Variants in TRIO observed in about 807,000 individuals in gnomAD.
The protein encoded by TRIO is trio Rho guanine nucleotide exchange factor, also known as triple functional domain protein.
A neutral mutation model predicts 351.9 loss-of-function variants in TRIO; 58 were observed. That is an observed-to-expected ratio of 0.16 (90% CI 0.13 to 0.21). The LOEUF is 0.21. Among genes scored for constraint, TRIO ranks in the 10% least tolerant of loss-of-function variants. TRIO has a pLI of 1.00. For missense variants in TRIO, 3,201 were observed against 4,027.8 expected (o/e 0.79, Z 5.56); for synonymous variants, 1,758 against 1,595.7 (o/e 1.10, Z -2.42).
chr5:14,421,950 T>C (rs1361732952), intron 34 of TRIO, among the ~76,000 whole-genome samples: 1 of 152,070 alleles, frequency 6.6e-6, no homozygotes, highest in Non-Finnish European at 1.5e-5. Context: ...AGCCCCACAG[T>C]CCTCCCCCTT....
chr5:14,479,445 T>C (rs1755351249), intron 42 of TRIO, 95 bp downstream of exon 42: 11 of 1,121,544 alleles, frequency 9.8e-6, no homozygotes, highest in Non-Finnish European at 1.4e-5. Flanking sequence ...AGGAGACTAA[T>C]TTCCAAAGAA....
In TRIO at chr5:14,488,427, G is replaced by A. The variant is rs557232250; in HGVS notation, c.7632+167G>A. The A allele has an allele frequency of 1.0e-5, 10 of 970,358 alleles. No homozygotes were observed. The East Asian group carries it at 1.6e-4, about 16-fold the overall frequency. The allele number at this position is 970,358 out of a possible 1,614,324, so 60.1% of individuals were successfully genotyped here. A position where few individuals can be genotyped will look rare whatever the true frequency, so the allele number is the denominator to read the frequency against. ...ACCCTCCTGCGGGCCGGCCCACGGC[G>A]CTACTAACTACTCCTTGCTTTGTTC... On this transcript the variant is annotated intron_variant, in intron 48 of 56. Coordinates refer to ENST00000344204, the MANE Select transcript of TRIO (RefSeq NM_007118.4).
chr5:14,489,440 G>C (rs1756308547), intron 48 of TRIO, among the ~76,000 whole-genome samples: 1 of 152,198 alleles, frequency 6.6e-6, no homozygotes, highest in South Asian at 2.1e-4. Flanking sequence ...GGTATGCTAG[G>C]CGGGTGAGCA....
At chr5:14,444,080 C>CTTT (rs34641629) in intron 34 of TRIO, among the ~76,000 whole-genome samples, 1 of 145,060 alleles carries the variant, frequency 6.9e-6, no homozygotes, top group African/African-American at 2.5e-5. Flanking sequence ...CTCTTGAAGT[C>CTTT]TTTTTTTTTT....
At chr5:14,378,787 T>G (rs1416949412) in intron 20 of TRIO, among the ~76,000 whole-genome samples, 3 of 152,160 alleles carry the variant, frequency 2.0e-5, no homozygotes, top group African/African-American at 7.2e-5. Flanking sequence ...CTCGAACTCC[T>G]GACCTCAGGT....
chr5:14,293,335 ACAAG>A (rs901524641), intron 6 of TRIO, among the ~76,000 whole-genome samples: 1 of 152,166 alleles, frequency 6.6e-6, no homozygotes, highest in African/African-American at 2.4e-5. Flanking sequence ...AAAAATGAAA[ACAAG>A]CAAACAGACG....
chr5:14,198,311 ATTC>A (rs1166951034), intron 1 of TRIO, among the ~76,000 whole-genome samples: 1 of 151,934 alleles, frequency 6.6e-6, no homozygotes, highest in African/African-American at 2.4e-5. Context: ...TGCTGTCTGT[ATTC>A]TTCTTGATGT....
chr5:14,438,794 G>A lies in TRIO; in HGVS notation c.5203+18773G>A, dbSNP rs35391439. 9.2e-3 allele frequency among the ~76,000 whole-genome samples: 1,407 copies of A among 152,312 alleles called. 9 individuals carry two copies. Among genetic ancestry groups the A allele is most frequent in the Admixed American group, 0.013 (202 of 15,302 alleles). On this transcript the variant is annotated intron_variant, in intron 34 of 56. Coordinates refer to ENST00000344204, the MANE Select transcript of TRIO (RefSeq NM_007118.4). ...TCACCTCCGCATTTCCGCTGGTTCC[G>A]CGTTTCTGTCTAGTGGCTCAGGTTG... is the stretch of plus-strand genomic sequence containing the variant.
rs567964344 is a variant in TRIO, at chr5:14,144,744, G to T, written c.157+862G>T. On this transcript the variant is annotated intron_variant, in intron 1 of 56. Coordinates refer to ENST00000344204, the MANE Select transcript of TRIO (RefSeq NM_007118.4). ...GCGGGAGGGGCACCGGGTTTGCTGC[G>T]CAGGGGGCGTGACAGGGCGTCCCCG... Among the ~76,000 whole-genome samples, 681 of 152,094 alleles carry T rather than the reference G, an allele frequency of 4.5e-3. 3 individuals carry two copies. The highest frequency in any genetic ancestry group is 0.016 in the African/African-American group (645 of 41,538).
Position 14,316,495 on chromosome 5 carries a change from C to A in TRIO, c.1501-18C>A. 6.2e-7 allele frequency: 1 copy of A among 1,612,956 alleles called. No individual in the cohort carries two copies. The highest frequency in any genetic ancestry group is 1.3e-5 in the African/African-American group (1 of 75,028). On this transcript the variant is annotated intron_variant, in intron 8 of 56. Coordinates refer to ENST00000344204, the MANE Select transcript of TRIO (RefSeq NM_007118.4). ...AAACCTCAGATCGTGAAGAATCACT[C>A]ATTTCTTTTGTGGGCAGGTCAGCCA...
intron 1 of TRIO, among the ~76,000 whole-genome samples, chr5:14,248,353 T>G (rs1794554849): frequency 6.6e-6 from 1 of 152,262 alleles, no homozygotes; most frequent in African/African-American, 2.4e-5. Context: ...AGACACTTGC[T>G]CTTGCGAAGT....
At chr5:14,244,126 C>T (rs1012563287) in intron 1 of TRIO, among the ~76,000 whole-genome samples, 7 of 152,214 alleles carry the variant, frequency 4.6e-5, no homozygotes, top group African/African-American at 1.4e-4. Context: ...TTGGGTAGCA[C>T]ACTTTAACAT....
chr5:14,427,577 A>G (rs577973337), intron 34 of TRIO, among the ~76,000 whole-genome samples: 2 of 152,142 alleles, frequency 1.3e-5, no homozygotes, highest in Non-Finnish European at 2.9e-5. Flanking sequence ...GAAGCCCTTC[A>G]CTGGCCCACC....
intron 19 of TRIO, among the ~76,000 whole-genome samples, chr5:14,375,933 A>G (rs1745521798): frequency 1.3e-5 from 2 of 152,240 alleles, no homozygotes; most frequent in Non-Finnish European, 2.9e-5. Context: ...TAAAAATAAC[A>G]GCATGACCAC....
intron 20 of TRIO, among the ~76,000 whole-genome samples, chr5:14,378,562 T>G (rs901398687): frequency 6.7e-6 from 1 of 148,770 alleles, no homozygotes; most frequent in African/African-American, 2.6e-5. Flanking sequence ...CTTTTTCTGT[T>G]TCTTTTTTTT....
Position 14,498,566 on chromosome 5 carries a change from A to T in TRIO, c.8258A>T (p.Asp2753Val). ...TLKIVGVTTEDDGIYTCIAVN... is the reference protein window; with the variant it reads ...TLKIVGVTTEVDGIYTCIAVN... The stretch of plus-strand genomic sequence containing the variant: ...AAGATTGTGGGCGTGACCACGGAAG[A>T]TGACGGCATCTACACGTGCATCGCT... The change falls in exon 53 of 57, where the codon GAT becomes GTT. Residue 2753 changes from aspartate to valine, a missense_variant. Around this residue, in one of 19 missense-constraint regions of TRIO, gnomAD observed 1,089 missense variants for 954.9 expected, o/e 1.14. Coordinates refer to ENST00000344204, the MANE Select transcript of TRIO (RefSeq NM_007118.4). 1 of 1,613,794 alleles carries T rather than the reference A, an allele frequency of 6.2e-7. No homozygotes were observed.
chr5:14,152,808 G>T (rs939324466), intron 1 of TRIO, among the ~76,000 whole-genome samples: 8 of 152,250 alleles, frequency 5.3e-5, no homozygotes, highest in Admixed American at 2.6e-4. Flanking sequence ...TGCCAATTCA[G>T]ATCAGTGCAT....
chr5:14,355,576 C>G (rs2152334045), intron 11 of TRIO, among the ~76,000 whole-genome samples: 1 of 152,314 alleles, frequency 6.6e-6, no homozygotes, highest in Middle Eastern at 3.4e-3. Flanking sequence ...TACTCTAAAT[C>G]TTATAATACT....
rs765092826 is a variant in TRIO, at chr5:14,310,355, G to A, written c.1500+5763G>A. 2.0e-5 allele frequency among the ~76,000 whole-genome samples: 3 copies of A among 152,228 alleles called. No homozygotes were observed. In the South Asian group the frequency reaches 6.2e-4, roughly 32 times the overall value. ...ACCAAAGGGCCACTGCTGCAGCCAC[G>A]GAGCACAAGCAAGGCGAAGTGCCAT... On this transcript the variant is annotated intron_variant, in intron 8 of 56. Coordinates refer to ENST00000344204, the MANE Select transcript of TRIO (RefSeq NM_007118.4).
Sources: allele counts gnomAD v4.1 joint callset (sites outside exome capture counted in the v4.1 genomes callset), GRCh38; gene constraint gnomAD v4.1.1; regional missense constraint gnomAD v4.1.1; transcripts MANE v1.5; gene names NCBI Gene and HGNC (gene_info 2026-07-23, HGNC 2026-07-21).